The following CPQ variants were observed in gnomAD, a reference collection of about 807,000 sequenced individuals.
CPQ encodes the protein carboxypeptidase Q, also known as Ser-Met dipeptidase.
In CPQ, 37 loss-of-function variants were observed where a neutral mutation model predicts 45.7. The observed-to-expected ratio is 0.81, with a 90% confidence interval of 0.62 to 1.07. The LOEUF is 1.07. Among genes scored for constraint, CPQ ranks in the 50% least tolerant of loss-of-function variants. The probability of loss-of-function intolerance (pLI) is 0.00; values close to 1 mark genes in which losing one functional copy is unlikely to be tolerated. For missense variants in CPQ, 537 were observed against 572.9 expected (o/e 0.94, Z 0.64); for synonymous variants, 186 against 205.8 (o/e 0.90, Z 0.82).
intron 5 of CPQ, among the ~76,000 whole-genome samples, chr8:96,990,968 G>A (rs972068005): frequency 3.9e-5 from 6 of 152,128 alleles, no homozygotes; most frequent in African/African-American, 1.4e-4. Context: ...GCCAAGAAAG[G>A]AAAGGACTCA....
intron 1 of CPQ, among the ~76,000 whole-genome samples, chr8:96,735,443 C>A (rs965258000): frequency 2.0e-5 from 3 of 152,134 alleles, no homozygotes; most frequent in Non-Finnish European, 4.4e-5. Context: ...AGAAGTGTAG[C>A]CTTTAAGAGG....
intron 6 of CPQ, chr8:97,056,568 A>G (rs563707464): frequency 6.6e-6 from 1 of 152,340 alleles, no homozygotes; most frequent in South Asian, 2.1e-4. Context: ...GTGCTCACTA[A>G]TGGTTTCCAC....
intron 4 of CPQ, among the ~76,000 whole-genome samples, chr8:96,881,256 C>G (rs973459574): frequency 6.6e-6 from 1 of 152,128 alleles, no homozygotes; most frequent in Non-Finnish European, 1.5e-5. Context: ...GCAGGCTGTA[C>G]AGGAAGCATG....
intron 3 of CPQ, among the ~76,000 whole-genome samples, chr8:96,857,501 G>T (rs1811866435): frequency 6.6e-6 from 1 of 152,164 alleles, no homozygotes; most frequent in African/African-American, 2.4e-5. Flanking sequence ...ATTTCACTGG[G>T]TTGTTGGTCA....
intron 5 of CPQ, among the ~76,000 whole-genome samples, chr8:96,980,228 G>T (rs1813869070): frequency 6.6e-6 from 1 of 152,118 alleles, no homozygotes; most frequent in African/African-American, 2.4e-5. Context: ...CGCCTCCTGG[G>T]TTCAAGTGAT....
chr8:96,823,223 A>G (rs1249842643), intron 2 of CPQ, among the ~76,000 whole-genome samples: 1 of 152,000 alleles, frequency 6.6e-6, no homozygotes, highest in Non-Finnish European at 1.5e-5. Flanking sequence ...TGTTATTACT[A>G]AGGGAGAGGG....
intron 5 of CPQ, among the ~76,000 whole-genome samples, chr8:96,979,649 C>T (rs895482674): frequency 3.9e-5 from 6 of 152,144 alleles, no homozygotes; most frequent in African/African-American, 1.2e-4. Context: ...AACATCTGAT[C>T]GGACCTTTAT....
chr8:96,769,320 A>AC (rs1314557125), intron 1 of CPQ, among the ~76,000 whole-genome samples: 1 of 152,186 alleles, frequency 6.6e-6, no homozygotes, highest in Non-Finnish European at 1.5e-5. Context: ...AGGACCTCAG[A>AC]ATCACTCATT....
At chr8:96,922,901 G>T (rs1300256623) in intron 4 of CPQ, among the ~76,000 whole-genome samples, 1 of 151,140 alleles carries the variant, frequency 6.6e-6, no homozygotes, top group Admixed American at 6.6e-5. Flanking sequence ...TGTGCAGTGG[G>T]CTTACTGTGT....
At chr8:96,861,345 G>C (rs919932434) in intron 3 of CPQ, among the ~76,000 whole-genome samples, 1 of 152,122 alleles carries the variant, frequency 6.6e-6, no homozygotes, top group African/African-American at 2.4e-5. Context: ...GGGAAGAACA[G>C]TGAAAAGGGC....
intron 2 of CPQ, among the ~76,000 whole-genome samples, chr8:96,795,229 A>T (rs1367013147): frequency 6.6e-6 from 1 of 152,200 alleles, no homozygotes; most frequent in Admixed American, 6.5e-5. Context: ...GAAGTCTCAC[A>T]ATCATGGTGG....
intron 4 of CPQ, among the ~76,000 whole-genome samples, chr8:96,940,249 A>G (rs1023750746): frequency 6.6e-5 from 10 of 152,206 alleles, no homozygotes; most frequent in African/African-American, 2.4e-4. Context: ...AAATAAATGT[A>G]ATTCTAGTAG....
chr8:97,000,515 G>C (rs1276064890), intron 5 of CPQ, among the ~76,000 whole-genome samples: 9 of 152,058 alleles, frequency 5.9e-5, no homozygotes, highest in Admixed American at 5.9e-4. Context: ...CCCATTGCTT[G>C]TTTTTGTCAG....
At chr8:97,063,101 T>A (rs1013289362) in intron 6 of CPQ, among the ~76,000 whole-genome samples, 25 of 152,158 alleles carry the variant, frequency 1.6e-4, no homozygotes, top group African/African-American at 6.0e-4. Context: ...CCCATCAACA[T>A]TGTATAAGTG....
intron 7 of CPQ, among the ~76,000 whole-genome samples, chr8:97,109,298 T>C (rs1166004705): frequency 6.6e-6 from 1 of 152,196 alleles, no homozygotes; most frequent in East Asian, 1.9e-4. Flanking sequence ...CAACTCAGAA[T>C]TGCTTCATTC....
rs568113825 is a variant in CPQ at position 97,081,837 on chromosome 8, T to C, written c.1255+15627T>C. The stretch of plus-strand genomic sequence containing the variant: ...AGATTCAAGATCTAGCTCTACTACT[T>C]TTTAGCTGTGTGACCTTAGGAAAGT... On this transcript the variant is annotated intron_variant, in intron 7 of 7. Transcript: ENST00000220763. Among the ~76,000 whole-genome samples, 365 of 152,280 alleles carry C rather than the reference T, an allele frequency of 2.4e-3. 2 individuals carry two copies. The highest frequency in any genetic ancestry group is 4.4e-3 in the Non-Finnish European group (298 of 68,024).
intron 2 of CPQ, among the ~76,000 whole-genome samples, chr8:96,829,051 G>A (rs1403569662): frequency 6.6e-6 from 1 of 152,010 alleles, no homozygotes; most frequent in Non-Finnish European, 1.5e-5. Flanking sequence ...GCCTGTGATA[G>A]GCACCTCTCC....
chr8:96,986,503 ACT>A (rs1453475962), intron 5 of CPQ, among the ~76,000 whole-genome samples: 1 of 151,526 alleles, frequency 6.6e-6, no homozygotes, highest in Non-Finnish European at 1.5e-5. Flanking sequence ...CCTTATTCCC[ACT>A]CTCTCAAACC....
chr8:97,059,635 T>G (rs1810512937), intron 6 of CPQ, among the ~76,000 whole-genome samples: 1 of 152,182 alleles, frequency 6.6e-6, no homozygotes, highest in African/African-American at 2.4e-5. Flanking sequence ...TCATGTTAGT[T>G]GTTTGAGCTG....
Sources: allele counts gnomAD v4.1 joint callset (sites outside exome capture counted in the v4.1 genomes callset), GRCh38; gene constraint gnomAD v4.1.1; transcripts MANE v1.5; gene names NCBI Gene and HGNC (gene_info 2026-07-23, HGNC 2026-07-21).